Variants in PDXDC1 observed in about 807,000 individuals in gnomAD.
PDXDC1 encodes pyridoxal dependent decarboxylase domain containing 1.
Under a neutral mutation model 100.1 loss-of-function variants are expected in PDXDC1, and 42 were observed. The observed-to-expected ratio is 0.42, with a 90% confidence interval of 0.33 to 0.54. The LOEUF is 0.54. Ranked by LOEUF, PDXDC1 falls within the 20% of genes least tolerant of loss-of-function variation. The probability of loss-of-function intolerance (pLI) is 0.10; values close to 1 mark genes in which losing one functional copy is unlikely to be tolerated. For missense variants in PDXDC1, 636 were observed against 979.2 expected, an observed-to-expected ratio of 0.65 and a Z score of 4.68; for synonymous variants, 260 against 371.7, an observed-to-expected ratio of 0.70 and a Z score of 3.46.
chr16:15,078,890 C>T (rs963618347), intron 16 of PDXDC1, among the ~76,000 whole-genome samples: 2 of 150,470 alleles, frequency 1.3e-5, no homozygotes, highest in African/African-American at 4.9e-5. Flanking sequence ...CGGCTCACTG[C>T]AAGCTCCACC....
In PDXDC1 at chr16:14,975,660, G is replaced by A. The variant is rs183377297; in HGVS notation, c.21+440G>A. The A allele has an allele frequency of 1.2e-3, 1,226 of 985,048 alleles. No homozygotes were observed. The African/African-American group carries it at 0.02, about 16-fold the overall frequency. 61.0% of individuals were successfully genotyped at this position (985,048 alleles called of 1,614,324 possible). ...AGGTTTTTCTTGGTCTCCGAGTTAG[G>A]AATGAAAATTGCCAAAGCAGTGGTT... is the stretch of plus-strand genomic sequence containing the variant. On this transcript the variant is annotated intron_variant, in intron 1 of 22. Transcript: ENST00000396410.
intron 16 of PDXDC1, among the ~76,000 whole-genome samples, chr16:15,063,661 C>T (rs1461647738): frequency 3.5e-5 from 5 of 144,904 alleles, no homozygotes; most frequent in East Asian, 4.1e-4. Flanking sequence ...GCCGAGATCG[C>T]GCCACTGCAC....
intron 16 of PDXDC1, chr16:15,045,458 C>T (rs2044019599): frequency 1.3e-5 from 2 of 149,750 alleles, no homozygotes; most frequent in African/African-American, 4.9e-5. Flanking sequence ...CAGAGCCAGA[C>T]TCTGTCTCAA....
intron 16 of PDXDC1, among the ~76,000 whole-genome samples, chr16:15,049,434 A>ATT (rs35440863): frequency 0.31 from 44,971 of 146,262 alleles, 7,202 homozygotes; most frequent in Admixed American, 0.45. Flanking sequence ...CTTTTATCTT[A>ATT]TTTTTTTTTT....
chr16:15,084,513 C>G, intron 16 of PDXDC1: 2 of 633,026 alleles, frequency 3.2e-6, no homozygotes, highest in Non-Finnish European at 5.4e-6. Flanking sequence ...AATGTTTCCT[C>G]AAGTGGATAC....
downstream of PDXDC1, chr16:15,040,467 G>T: frequency 5.3e-6 from 1 of 188,018 alleles, no homozygotes; most frequent in Non-Finnish European, 1.1e-5. Flanking sequence ...ACAGAGAATA[G>T]AACAGTGAAC....
rs867253280 is a variant in PDXDC1 at position 15,133,256 on chromosome 16, G to A, written c.1400-5623G>A. The A allele has an allele frequency of 4.5e-5, 69 of 1,542,294 alleles. 1 individual carries two copies. Among genetic ancestry groups the A allele is most frequent in the Middle Eastern group, 4.6e-4 (2 of 4,360 alleles). ...CAGATGTGAGGTCCCCTGCCAGGCTGCACTCACCTCGTTCAGGACGGTGAC... is the reference window on the plus strand; with the variant it reads ...CAGATGTGAGGTCCCCTGCCAGGCTACACTCACCTCGTTCAGGACGGTGAC... On this transcript the variant is annotated intron_variant, in intron 16 of 16. Coordinates refer to the PDXDC1 transcript ENST00000535621.
chr16:15,110,658 G>A lies in PDXDC1; in HGVS notation c.1400-28221G>A, dbSNP rs2151870518. On this transcript the variant is annotated intron_variant, in intron 16 of 16. Transcript: ENST00000535621. The stretch of plus-strand genomic sequence containing the variant: ...AAGGTGAGAAACCTGAGGGCAAGAA[G>A]CTGTTCTTTCCCTTTCCAGGGCAAA... 3 of 1,563,474 alleles carry A rather than the reference G, an allele frequency of 1.9e-6. 1 individual carries two copies. Among genetic ancestry groups the A allele is most frequent in the African/African-American group, 2.7e-5 (2 of 74,600 alleles).
At chr16:15,046,186 C>T (rs550110980) in intron 16 of PDXDC1, 1 of 152,442 alleles carries the variant, frequency 6.6e-6, no homozygotes, top group Admixed American at 6.5e-5. Flanking sequence ...GCCAGCCCAG[C>T]CTTGGCACAG....
intron 1 of PDXDC1, among the ~76,000 whole-genome samples, chr16:14,981,195 G>A (rs1597254621): frequency 6.6e-6 from 1 of 152,296 alleles, no homozygotes; most frequent in African/African-American, 2.4e-5. Flanking sequence ...TAAATATAAT[G>A]CAAACCTTTA....
intron 16 of PDXDC1, among the ~76,000 whole-genome samples, chr16:15,091,650 G>C (rs569492157): frequency 6.6e-5 from 10 of 152,192 alleles, no homozygotes; most frequent in Non-Finnish European, 1.5e-4. Context: ...TTCTCAAAAA[G>C]CATGAGGGAA....
At chr16:15,060,993 T>G (rs2044689818) in intron 16 of PDXDC1, 1 of 152,272 alleles carries the variant, frequency 6.6e-6, no homozygotes, top group African/African-American at 2.4e-5. Flanking sequence ...TCAGTCTGTG[T>G]GAATTACATC....
chr16:15,035,959 T>G, intron 22 of PDXDC1, 57 bp from the exon 23 acceptor site: 1 of 1,524,828 alleles, frequency 6.6e-7, no homozygotes, highest in Non-Finnish European at 8.9e-7. Flanking sequence ...AGAGACAGCC[T>G]GTGTTGCAGA....
At chr16:15,136,235 G>A (rs2048342129) in intron 16 of PDXDC1, 1 of 628,670 alleles carries the variant, frequency 1.6e-6, no homozygotes, top group Non-Finnish European at 2.8e-6. Context: ...TTTCCAGATG[G>A]GGAAACTGAG....
intron 16 of PDXDC1, among the ~76,000 whole-genome samples, chr16:15,114,990 C>T (rs1223740897): frequency 7.1e-6 from 1 of 140,996 alleles, no homozygotes; most frequent in East Asian, 2.1e-4. Context: ...GGCTGGAGTG[C>T]AGTGGTGCAA....
At chr16:15,088,090 TG>T (rs2045980158) in intron 16 of PDXDC1, among the ~76,000 whole-genome samples, 1 of 151,536 alleles carries the variant, frequency 6.6e-6, no homozygotes, top group African/African-American at 2.4e-5. Flanking sequence ...CACTCCAGCC[TG>T]GGCAACAAGA....
intron 16 of PDXDC1, among the ~76,000 whole-genome samples, chr16:15,059,328 T>C (rs753930597): frequency 1.3e-5 from 2 of 152,130 alleles, no homozygotes; most frequent in Admixed American, 6.5e-5. Context: ...CAGATCTAAG[T>C]TGGTACCAGG....
At chr16:15,091,198 A>G (rs3893781) in intron 16 of PDXDC1, 46 of 1,259,920 alleles carry the variant, frequency 3.7e-5, no homozygotes, top group Non-Finnish European at 4.8e-5. Context: ...CCAGATTAAA[A>G]TAAGGGAGGA....
chr16:15,091,106 T>C (rs555736865), intron 16 of PDXDC1, among the ~76,000 whole-genome samples: 127 of 152,192 alleles, frequency 8.3e-4, no homozygotes, highest in African/African-American at 3.0e-3. Context: ...AGTAGCACCC[T>C]TTCCTCCCAG....
Sources: gnomAD v4.1 joint callset for allele counts (sites outside exome capture counted in the v4.1 genomes callset) on GRCh38, gnomAD v4.1.1 for gene constraint, MANE v1.5 for transcripts, NCBI Gene and HGNC (gene_info 2026-07-23, HGNC 2026-07-21) for gene names.